Variants in UTRN observed in about 807,000 individuals in gnomAD.
UTRN encodes the protein dystrophin-related protein 1.
A neutral mutation model predicts 463.9 loss-of-function variants in UTRN; 283 were observed. The ratio of observed to expected loss-of-function variants is 0.61; its 90% CI spans 0.55 to 0.67. The LOEUF (loss-of-function observed/expected upper bound fraction) is 0.67, where lower values mean the gene tolerates loss of function less well. Ranked by LOEUF, UTRN falls within the 30% of genes least tolerant of loss-of-function variation. The pLI is 0.00. For synonymous variants in UTRN, 1,442 were observed against 1,431.5 expected, an observed-to-expected ratio of 1.01 and a Z score of -0.17; for missense variants, 3,922 against 4,084.3, an observed-to-expected ratio of 0.96 and a Z score of 1.08.
chr6:144,767,406 A>T (rs1412131383), intron 58 of UTRN, among the ~76,000 whole-genome samples: 1 of 152,176 alleles, frequency 6.6e-6, no homozygotes, highest in Non-Finnish European at 1.5e-5. Context: ...ATTTGGACAG[A>T]TTCATCAAGA....
intron 18 of UTRN, among the ~76,000 whole-genome samples, chr6:144,453,339 T>A (rs1210419481): frequency 6.6e-6 from 1 of 152,164 alleles, no homozygotes; most frequent in Non-Finnish European, 1.5e-5. Context: ...GCCAGACTGG[T>A]CTCAAACTCC....
intron 51 of UTRN, among the ~76,000 whole-genome samples, chr6:144,670,786 T>G (rs879639248): frequency 6.6e-6 from 1 of 152,202 alleles, no homozygotes; most frequent in Middle Eastern, 3.2e-3. Flanking sequence ...ATTTAAGTCT[T>G]TGATCCATCT....
intron 54 of UTRN, among the ~76,000 whole-genome samples, chr6:144,744,974 CA>C (rs1562852707): frequency 6.6e-6 from 1 of 152,168 alleles, no homozygotes; most frequent in Non-Finnish European, 1.5e-5. Context: ...CTGTTAGAAC[CA>C]CCTGGGGAGC....
chr6:144,808,705 A>G (rs538759569), intron 65 of UTRN, among the ~76,000 whole-genome samples: 1 of 149,704 alleles, frequency 6.7e-6, no homozygotes, highest in African/African-American at 2.5e-5. Flanking sequence ...CTACCATTCT[A>G]CTCTGTGCTA....
intron 23 of UTRN, among the ~76,000 whole-genome samples, chr6:144,470,771 T>G (rs1790514087): frequency 6.6e-6 from 1 of 151,830 alleles, no homozygotes; most frequent in South Asian, 2.1e-4. Context: ...CCGTCTGCAA[T>G]CCCGGTACCT....
At chr6:144,469,617 G>A (rs533803754) in intron 23 of UTRN, among the ~76,000 whole-genome samples, 1 of 151,934 alleles carries the variant, frequency 6.6e-6, no homozygotes, top group Non-Finnish European at 1.5e-5. Context: ...AAATATTATA[G>A]TGTGGCTTTA....
chr6:144,445,370 G>C (rs963293218), intron 14 of UTRN, among the ~76,000 whole-genome samples: 6 of 82,916 alleles, frequency 7.2e-5, no homozygotes, highest in African/African-American at 2.6e-4. Flanking sequence ...AAAAAAAAAA[G>C]CAAATACTCT....
At chr6:144,837,420 G>A (rs1047567494) in intron 71 of UTRN, among the ~76,000 whole-genome samples, 3 of 152,212 alleles carry the variant, frequency 2.0e-5, no homozygotes, top group African/African-American at 7.2e-5. Context: ...TTAGGAATAG[G>A]AGTGATGTCT....
intron 51 of UTRN, among the ~76,000 whole-genome samples, chr6:144,645,586 CAAG>C (rs2128663997): frequency 6.6e-6 from 1 of 152,106 alleles, no homozygotes; most frequent in Non-Finnish European, 1.5e-5. Context: ...TGATTAATAA[CAAG>C]AGACAGAATC....
intron 1 of UTRN, among the ~76,000 whole-genome samples, chr6:144,288,767 T>C (rs1803930739): frequency 6.7e-6 from 1 of 149,172 alleles, no homozygotes; most frequent in Non-Finnish European, 1.5e-5. Context: ...TTTTTTTTTT[T>C]TTTTTTTTTG....
chr6:144,786,419 G>T (rs1776296793), intron 61 of UTRN, among the ~76,000 whole-genome samples: 1 of 152,166 alleles, frequency 6.6e-6, no homozygotes, highest in South Asian at 2.1e-4. Context: ...CCGAGTAGCT[G>T]GGATTACAGG....
intron 50 of UTRN, among the ~76,000 whole-genome samples, chr6:144,557,988 A>G (rs935111795): frequency 1.3e-5 from 2 of 152,206 alleles, no homozygotes; most frequent in African/African-American, 4.8e-5. Context: ...AGATGTTTAC[A>G]TCATGCATAT....
chr6:144,549,514 T>G (rs1438386727), intron 47 of UTRN, among the ~76,000 whole-genome samples: 3 of 152,222 alleles, frequency 2.0e-5, no homozygotes, highest in Non-Finnish European at 4.4e-5. Flanking sequence ...ATAGGTACTG[T>G]TTTTATCCCC....
At chr6:144,423,528 C>CTTTTT (rs149750492) in intron 4 of UTRN, 21 bp from the exon 5 acceptor site, 1 of 1,613,050 alleles carries the variant, frequency 6.2e-7, no homozygotes, top group African/African-American at 1.3e-5. Context: ...GTTTTACTTG[C>CTTTTT]TTTTTTGTTT....
chr6:144,803,678 T>C (rs1218184914), intron 65 of UTRN, among the ~76,000 whole-genome samples: 1 of 152,062 alleles, frequency 6.6e-6, no homozygotes, highest in East Asian at 1.9e-4. Flanking sequence ...ACAAAATTTT[T>C]AATTGAGTGA....
Position 144,828,986 on chromosome 6 carries a change from T to G in UTRN, c.9665+131T>G, listed in dbSNP as rs1457821259. The stretch of plus-strand genomic sequence containing the variant: ...AATTATTAAGTGTGGTTCCAAAAAT[T>G]TCTACGTAGATTTTATGCTTTCAAA... On this transcript the variant is annotated intron_variant, in intron 69 of 74. Transcript: ENST00000367545. The G allele has an allele frequency of 3.1e-6, 3 of 966,874 alleles. No homozygotes were observed. The East Asian group carries it at 7.8e-5, about 25-fold the overall frequency. 59.9% of individuals were successfully genotyped at this position (966,874 alleles called of 1,614,324 possible).
At chr6:144,300,881 A>G (rs1301252596) in intron 2 of UTRN, among the ~76,000 whole-genome samples, 3 of 152,250 alleles carry the variant, frequency 2.0e-5, no homozygotes, top group Non-Finnish European at 4.4e-5. Flanking sequence ...CTTTAAAACA[A>G]CATTTGGTCC....
chr6:144,559,794 C>G (rs966875135), intron 50 of UTRN, among the ~76,000 whole-genome samples: 2 of 152,032 alleles, frequency 1.3e-5, no homozygotes, highest in African/African-American at 2.4e-5. Flanking sequence ...TCACCCTCCC[C>G]CTGAAAAGAA....
At chr6:144,622,187 T>TTTTTTG (rs1775477511) in intron 51 of UTRN, among the ~76,000 whole-genome samples, 2 of 122,822 alleles carry the variant, frequency 1.6e-5, no homozygotes, top group African/African-American at 3.7e-5. Context: ...TTTTGTTGTT[T>TTTTTTG]TTTTTTTTTT....
Sources: allele counts gnomAD v4.1 joint callset (sites outside exome capture counted in the v4.1 genomes callset), GRCh38; gene constraint gnomAD v4.1.1; transcripts MANE v1.5; gene names NCBI Gene and HGNC (gene_info 2026-07-23, HGNC 2026-07-21).